KIF5A: variants seen among roughly 807,000 people sequenced by gnomAD.
KIF5A encodes kinesin heavy chain isoform 5A.
A neutral mutation model predicts 141.3 loss-of-function variants in KIF5A; 35 were observed. The observed-to-expected ratio is 0.25, with a 90% CI of 0.19 to 0.33. The LOEUF is 0.33. KIF5A is among the 10% of genes least tolerant of loss of function. The probability of loss-of-function intolerance (pLI) is 1.00; values close to 1 mark genes in which losing one functional copy is unlikely to be tolerated. For synonymous variants in KIF5A, 448 were observed against 500.2 expected (o/e 0.90, Z 1.39); for missense variants, 861 against 1,314.3 (o/e 0.66, Z 5.33).
At chr12:57,582,386 C>T (rs1015650878) in intron 26 of KIF5A, among the ~76,000 whole-genome samples, 9 of 152,136 alleles carry the variant, frequency 5.9e-5, no homozygotes, top group Non-Finnish European at 1.5e-5. Context: ...CCAGCCCTTG[C>T]CTTCCAGTTC....
At position 57,550,046 on chromosome 12, in the gene KIF5A, A is replaced by G. The variant is rs1881516826; in HGVS notation, c.-226A>G. 7.2e-6 allele frequency: 4 copies of G among 552,342 alleles called. No homozygotes were observed. In the Admixed American group the frequency reaches 9.5e-5, roughly 13 times the overall value. 34.2% of individuals were successfully genotyped at this position (552,342 alleles called of 1,614,324 possible). On this transcript the variant is annotated 5_prime_UTR_variant, in exon 1 of 29. Coordinates refer to ENST00000455537, the MANE Select transcript of KIF5A (RefSeq NM_004984.4). This position sits in a 1 kb window ranked among gnomAD's most constrained non-coding sequence, Gnocchi z 4.6. ...TGCAGCGCGAGGGGCGGAGAGGCAG[A>G]GAGCCCGAAAGGACCAGACGCCCAG...
Position 57,583,143 on chromosome 12 carries a change from G to C in KIF5A, c.3063G>C (p.Lys1021Asn). ...PCGYEAEDQA[K>N]LFPLHQETAA... ...GCTATGAGGCTGAGGACCAGGCCAA[G>C]CTTTTCCCTCTCCACCAAGAGACAG... Residue 1021 changes from lysine to asparagine, a missense_variant, in exon 28 of 29, where the codon AAG becomes AAC. By Grantham distance (94) the Lys-to-Asn change is moderately conservative. Transcript: ENST00000455537. 6.2e-7 allele frequency: 1 copy of C among 1,614,058 alleles called. No individual in the cohort carries two copies. The highest frequency in any genetic ancestry group is 8.5e-7 in the Non-Finnish European group (1 of 1,180,014).
At chr12:57,579,931 T>C (rs934140092) in intron 23 of KIF5A, among the ~76,000 whole-genome samples, 1 of 152,104 alleles carries the variant, frequency 6.6e-6, no homozygotes, top group African/African-American at 2.4e-5. Context: ...ATAGGATAAA[T>C]AGAGGACTCA....
Position 57,572,560 on chromosome 12 carries a change from A to T in KIF5A, c.1570-20A>T. The T allele has an allele frequency of 6.2e-7, 1 of 1,614,058 alleles. No homozygotes were observed. Among genetic ancestry groups the T allele is most frequent in the South Asian group, 1.1e-5 (1 of 91,080 alleles). Reference sequence around the variant, plus strand: ...GAGCAGGAGGATGGCAACAGGAATGACCTGAGGGGCTGTCCCCAGGCCACC... The same window carrying T: ...GAGCAGGAGGATGGCAACAGGAATGTCCTGAGGGGCTGTCCCCAGGCCACC... On this transcript the variant is annotated intron_variant, in intron 14 of 28. Coordinates refer to ENST00000455537, the MANE Select transcript of KIF5A (RefSeq NM_004984.4). The surrounding 1 kb of genome is among the most constrained non-coding windows in gnomAD (Gnocchi z 4.2).
intron 12 of KIF5A, among the ~76,000 whole-genome samples, chr12:57,570,900 C>T (rs1361121408): frequency 1.3e-5 from 2 of 152,030 alleles, no homozygotes; most frequent in African/African-American, 4.8e-5. Flanking sequence ...GAGGGATCCC[C>T]CCCAACCTCA....
intron 27 of KIF5A, 187 bp downstream of exon 27, chr12:57,582,816 C>G (rs534080489): frequency 7.6e-6 from 5 of 657,350 alleles, no homozygotes; most frequent in African/African-American, 3.6e-5. Context: ...AGAATATCTC[C>G]CCTCCTCCAA....
At chr12:57,569,957 C>T in intron 11 of KIF5A, 30 bp from the exon 12 acceptor site, 1 of 1,608,440 alleles carries the variant, frequency 6.2e-7, no homozygotes, top group Non-Finnish European at 8.5e-7. Context: ...CTTCTTCTTC[C>T]ATCTCTCACC....
At chr12:57,574,212 G>A (rs1882350191) in intron 15 of KIF5A, among the ~76,000 whole-genome samples, 1 of 151,952 alleles carries the variant, frequency 6.6e-6, no homozygotes, top group Admixed American at 6.6e-5. Flanking sequence ...TGATCAAGGA[G>A]ATCAAAAGAA....
At chr12:57,555,377 A>G (rs1881698788) in intron 1 of KIF5A, among the ~76,000 whole-genome samples, 1 of 152,208 alleles carries the variant, frequency 6.6e-6, no homozygotes, top group African/African-American at 2.4e-5. Context: ...TAATGAAAAA[A>G]AAATCAGGCA....
chr12:57,567,309 G>A (rs1882093730), intron 7 of KIF5A, 96 bp downstream of exon 7: 2 of 1,244,212 alleles, frequency 1.6e-6, no homozygotes, highest in African/African-American at 1.5e-5. Flanking sequence ...CAAGGAAACT[G>A]TACCCCCCAG....
At chr12:57,576,040 C>T (rs569810566) in intron 17 of KIF5A, 47 bp from the exon 18 acceptor site, 34 of 1,577,592 alleles carry the variant, frequency 2.2e-5, no homozygotes, top group African/African-American at 1.1e-4. Flanking sequence ...AAGTTCTTTC[C>T]GAAAGAGGTA....
chr12:57,584,185 G>C (rs1397011979), intron 28 of KIF5A, 33 bp from the exon 29 acceptor site: 2 of 152,522 alleles, frequency 1.3e-5, no homozygotes, highest in Non-Finnish European at 2.9e-5. Flanking sequence ...CTACAAGCTG[G>C]GCCCTCACAC....
At chr12:57,561,382 G>C (rs953597697) in intron 1 of KIF5A, among the ~76,000 whole-genome samples, 7 of 152,078 alleles carry the variant, frequency 4.6e-5, no homozygotes, top group Non-Finnish European at 7.4e-5. Context: ...CTGGAATCCT[G>C]GTGCAGACTA....
At chr12:57,566,598 T>C (rs1882072397) in intron 6 of KIF5A, among the ~76,000 whole-genome samples, 1 of 151,604 alleles carries the variant, frequency 6.6e-6, no homozygotes, top group African/African-American at 2.4e-5. Context: ...TTAGTGGAGA[T>C]GGGATTTTGC....
intron 25 of KIF5A, 52 bp downstream of exon 25, chr12:57,581,620 T>A (rs756014475): frequency 6.3e-5 from 101 of 1,593,634 alleles, no homozygotes; most frequent in Non-Finnish European, 7.7e-5. Context: ...CCCTGGACCC[T>A]AGAAGGCATA....
intron 11 of KIF5A, 124 bp from the exon 12 acceptor site, chr12:57,569,863 T>C (rs1882190443): frequency 7.2e-7 from 1 of 1,386,646 alleles, no homozygotes; most frequent in Non-Finnish European, 9.8e-7. Flanking sequence ...CTACCTCCCA[T>C]ACTCCCAAAA....
intron 25 of KIF5A, 59 bp from the exon 26 acceptor site, chr12:57,581,811 G>T (rs1882611572): frequency 6.9e-7 from 1 of 1,453,638 alleles, no homozygotes; most frequent in African/African-American, 1.4e-5. Context: ...TGGATTAGTG[G>T]TCCTCAGACT....
Position 57,570,034 on chromosome 12 carries a change from C to T in KIF5A, c.1165C>T (p.Leu389=), listed in dbSNP as rs1425088200. 1.9e-6 allele frequency: 3 copies of T among 1,613,720 alleles called. No individual in the cohort carries two copies. Among genetic ancestry groups the T allele is most frequent in the Non-Finnish European group, 2.5e-6 (3 of 1,179,738 alleles). ...GCGCCTGGCTGGGGAGGAGGCAGCC[C>T]TGGGAGCCGAGCTCTGTGAGGAGAC... ...TERLAGEEAA[L]GAELCEETPV... Residue 389 remains leucine, a synonymous_variant, in exon 12 of 29, where the codon CTG becomes TTG. Transcript: ENST00000455537.
chr12:57,564,895 T>A, intron 5 of KIF5A, 23 bp from the exon 6 acceptor site: 1 of 1,613,344 alleles, frequency 6.2e-7, no homozygotes. Flanking sequence ...TAGTCTTGCT[T>A]ACCCTGCATT....
Sources: gnomAD v4.1 joint callset for allele counts (sites outside exome capture counted in the v4.1 genomes callset) on GRCh38, gnomAD v4.1.1 for gene constraint, Gnocchi (gnomAD v3.1) non-coding constraint, MANE v1.5 for transcripts, NCBI Gene and HGNC (gene_info 2026-07-23, HGNC 2026-07-21) for gene names.